PPP3CA: variants seen among roughly 807,000 people sequenced by gnomAD.
PPP3CA encodes the protein protein phosphatase 3 catalytic subunit alpha.
In PPP3CA, 14 loss-of-function variants were observed where a neutral mutation model predicts 66.5. The observed-to-expected ratio is 0.21, with a 90% CI of 0.14 to 0.33. PPP3CA has a LOEUF of 0.33. PPP3CA is among the 10% of genes least tolerant of loss of function. PPP3CA has a pLI of 1.00. For missense variants in PPP3CA, 317 were observed against 639.5 expected (o/e 0.50, Z 5.44); for synonymous variants, 232 against 226.2 (o/e 1.03, Z -0.23).
At chr4:101,083,287 G>A in intron 6 of PPP3CA, 24 bp from the exon 7 acceptor site, 2 of 1,588,200 alleles carry the variant, frequency 1.3e-6, no homozygotes, top group Non-Finnish European at 1.7e-6. Context: ...AAAGAAAAGG[G>A]AAGCATCTGT....
At chr4:101,193,918 G>C (rs1198152623) in intron 2 of PPP3CA, among the ~76,000 whole-genome samples, 2 of 152,162 alleles carry the variant, frequency 1.3e-5, no homozygotes, top group Non-Finnish European at 2.9e-5. Context: ...ATCTGAGACT[G>C]AAACATTTTT....
intron 2 of PPP3CA, among the ~76,000 whole-genome samples, chr4:101,145,294 C>T (rs1031497522): frequency 6.6e-6 from 1 of 151,956 alleles, no homozygotes; most frequent in Non-Finnish European, 1.5e-5. Context: ...TGGGTATATG[C>T]CAAAAAGAAA....
intron 1 of PPP3CA, among the ~76,000 whole-genome samples, chr4:101,298,667 A>G (rs1299624134): frequency 1.3e-5 from 2 of 152,202 alleles, no homozygotes; most frequent in African/African-American, 4.8e-5. Flanking sequence ...AATATGGTAT[A>G]TATAATACAT....
At chr4:101,055,632 G>A (rs367669763) in intron 10 of PPP3CA, among the ~76,000 whole-genome samples, 22 of 152,164 alleles carry the variant, frequency 1.4e-4, no homozygotes, top group Admixed American at 5.2e-4. Flanking sequence ...AGAAGCTAAC[G>A]AAGAGAGAAT....
chr4:101,342,433 A>C (rs186912022), intron 1 of PPP3CA, among the ~76,000 whole-genome samples: 50 of 152,292 alleles, frequency 3.3e-4, no homozygotes, highest in Admixed American at 3.2e-3. Context: ...TCCCAAAAGG[A>C]AATGTTAATA....
At chr4:101,336,254 G>A (rs1017512392) in intron 1 of PPP3CA, among the ~76,000 whole-genome samples, 4 of 150,964 alleles carry the variant, frequency 2.6e-5, no homozygotes, top group African/African-American at 9.7e-5. Context: ...CATGCTGGGT[G>A]AGGAATAGCT....
At chr4:101,148,224 A>G (rs1723028647) in intron 2 of PPP3CA, among the ~76,000 whole-genome samples, 1 of 152,196 alleles carries the variant, frequency 6.6e-6, no homozygotes, top group African/African-American at 2.4e-5. Context: ...TATAAAGTAA[A>G]GCCAAGAAGG....
chr4:101,107,596 A>C lies in PPP3CA; in HGVS notation c.384+1358T>G, dbSNP rs149433793. Among the ~76,000 whole-genome samples, 24 of 152,344 alleles carry C rather than the reference A, an allele frequency of 1.6e-4. No individual in the cohort carries two copies. The East Asian group carries it at 4.6e-3, about 29-fold the overall frequency. On this transcript the variant is annotated intron_variant, in intron 3 of 13. Transcript: ENST00000394854. ...GTGATCTTTAAATGCAGACGGTATT[A>C]TTATGTTGGCGGAAATACATATATG...
chr4:101,281,317 A>C (rs968553604), intron 1 of PPP3CA, among the ~76,000 whole-genome samples: 1 of 152,226 alleles, frequency 6.6e-6, no homozygotes, highest in Non-Finnish European at 1.5e-5. Flanking sequence ...ACATGGGCTC[A>C]GGAGAAGCTT....
At chr4:101,109,667 A>G (rs1721600817) in intron 2 of PPP3CA, among the ~76,000 whole-genome samples, 1 of 151,540 alleles carries the variant, frequency 6.6e-6, no homozygotes. Flanking sequence ...AAAAAAAAAA[A>G]AAAAAAACTC....
At chr4:101,193,061 T>A (rs1271005853) in intron 2 of PPP3CA, among the ~76,000 whole-genome samples, 2 of 152,252 alleles carry the variant, frequency 1.3e-5, no homozygotes, top group East Asian at 3.8e-4. Flanking sequence ...TACTTCCTAA[T>A]TTGCTTGAAT....
intron 2 of PPP3CA, among the ~76,000 whole-genome samples, chr4:101,137,807 A>C (rs1326710982): frequency 1.3e-5 from 2 of 150,052 alleles, no homozygotes; most frequent in African/African-American, 4.9e-5. Flanking sequence ...AAAGAGAGCA[A>C]TTTACTACTC....
intron 1 of PPP3CA, among the ~76,000 whole-genome samples, chr4:101,216,575 G>A (rs1310384214): frequency 6.6e-6 from 1 of 151,868 alleles, no homozygotes; most frequent in Non-Finnish European, 1.5e-5. Flanking sequence ...GTGTCGCTCT[G>A]TTGCCCAGGC....
chr4:101,091,137 T>C (rs1437181954), intron 6 of PPP3CA, among the ~76,000 whole-genome samples: 1 of 152,110 alleles, frequency 6.6e-6, no homozygotes, highest in Non-Finnish European at 1.5e-5. Context: ...CAGGACTCAA[T>C]ATCAAAATCA....
chr4:101,231,268 A>G (rs1271958216), intron 1 of PPP3CA, among the ~76,000 whole-genome samples: 2 of 151,736 alleles, frequency 1.3e-5, no homozygotes, highest in African/African-American at 4.8e-5. Flanking sequence ...CTGTAAGAGC[A>G]AAGCAAGAAA....
intron 12 of PPP3CA, among the ~76,000 whole-genome samples, chr4:101,030,628 A>C (rs1726903565): frequency 6.6e-6 from 1 of 152,322 alleles, no homozygotes; most frequent in Non-Finnish European, 1.5e-5. Flanking sequence ...TAAAAACACA[A>C]GTGAAAATCT....
chr4:101,259,307 T>C (rs1366865946), intron 1 of PPP3CA, among the ~76,000 whole-genome samples: 6 of 151,434 alleles, frequency 4.0e-5, no homozygotes, highest in Admixed American at 2.0e-4. Flanking sequence ...TTCATGGTTT[T>C]CTTCCTCCTT....
At chr4:101,233,011 T>A (rs1726011154) in intron 1 of PPP3CA, among the ~76,000 whole-genome samples, 1 of 134,242 alleles carries the variant, frequency 7.4e-6, no homozygotes. Flanking sequence ...ATATGAACTA[T>A]ACAAATGAGA....
chr4:101,199,358 G>C (rs569031492), intron 1 of PPP3CA, among the ~76,000 whole-genome samples: 4 of 152,238 alleles, frequency 2.6e-5, no homozygotes, highest in African/African-American at 9.6e-5. Context: ...ACAACAAGTT[G>C]CTTTCATTGA....
Sources: gnomAD v4.1 joint callset for allele counts (sites outside exome capture counted in the v4.1 genomes callset) on GRCh38, gnomAD v4.1.1 for gene constraint, MANE v1.5 for transcripts, NCBI Gene and HGNC (gene_info 2026-07-23, HGNC 2026-07-21) for gene names.